ATXN7: variants seen among roughly 807,000 people sequenced by gnomAD.
ATXN7 encodes the protein ataxin 7, also known as ataxin-7.
Under a neutral mutation model 70.5 loss-of-function variants are expected in ATXN7, and 12 were observed. That is an observed-to-expected ratio of 0.17 (90% CI 0.11 to 0.28). ATXN7 has a LOEUF of 0.28. Ranked by LOEUF, ATXN7 falls within the 10% of genes least tolerant of loss-of-function variation. The pLI, the probability that ATXN7 is intolerant of heterozygous loss-of-function variation, is 1.00. For missense variants in ATXN7, 1,256 were observed against 1,131.7 expected, an observed-to-expected ratio of 1.11 and a Z score of -1.58; for synonymous variants, 498 against 448.7, an observed-to-expected ratio of 1.11 and a Z score of -1.39.
intron 4 of ATXN7, among the ~76,000 whole-genome samples, chr3:63,949,994 G>A (rs1265109197): frequency 6.6e-6 from 1 of 152,162 alleles, no homozygotes; most frequent in African/African-American, 2.4e-5. Context: ...CTGGCACATA[G>A]TAGTCTCTCA....
chr3:63,920,741 G>A (rs1704481049), intron 4 of ATXN7, among the ~76,000 whole-genome samples: 1 of 152,080 alleles, frequency 6.6e-6, no homozygotes, highest in South Asian at 2.1e-4. Context: ...TTTAAAAAAA[G>A]ATTAAATGAA....
intron 2 of ATXN7, among the ~76,000 whole-genome samples, chr3:63,902,806 C>G (rs1367788467): frequency 6.6e-6 from 1 of 151,960 alleles, no homozygotes; most frequent in Admixed American, 6.6e-5. Context: ...TTGTGACAAT[C>G]TCACAAAAGT....
intron 5 of ATXN7, among the ~76,000 whole-genome samples, chr3:63,978,698 G>A (rs954806638): frequency 1.3e-5 from 2 of 152,188 alleles, no homozygotes; most frequent in African/African-American, 4.8e-5. Context: ...TTGGAGAATA[G>A]AAATTTGAAT....
In ATXN7 at chr3:63,912,742, G is replaced by A; in HGVS notation, c.144G>A (p.Gln48=). ...QQPPPPQPQR[Q]QHPPPPPRRT... ...CGCCGCCTCCGCAGCCCCAGCGGCA[G>A]CAGCACCCGCCACCGCCGCCACGGC... Residue 48 remains glutamine, a synonymous_variant, in exon 3 of 13, where the codon CAG becomes CAA. Coordinates refer to ENST00000674280, the MANE Select transcript of ATXN7 (RefSeq NM_001377405.1). The A allele has an allele frequency of 2.3e-6, 3 of 1,290,372 alleles. No homozygotes were observed. The highest frequency in any genetic ancestry group is 3.0e-6 in the Non-Finnish European group (3 of 1,015,920). 79.9% of individuals were successfully genotyped at this position (1,290,372 alleles called of 1,614,324 possible). A position where few individuals can be genotyped will look rare whatever the true frequency, so the allele number is the denominator to read the frequency against.
At chr3:63,976,462 TGATA>T (rs2075389939) in intron 5 of ATXN7, among the ~76,000 whole-genome samples, 2 of 152,320 alleles carry the variant, frequency 1.3e-5, no homozygotes, top group South Asian at 4.1e-4. Context: ...AAAATTCACA[TGATA>T]GATTGTCATT....
intron 1 of ATXN7, among the ~76,000 whole-genome samples, chr3:63,880,142 A>G (rs576821217): frequency 1.5e-4 from 23 of 152,242 alleles, no homozygotes; most frequent in African/African-American, 5.3e-4. Flanking sequence ...GTTTTAGTCC[A>G]TAACTTTATT....
chr3:63,991,280 T>C (rs2075667497), intron 11 of ATXN7, among the ~76,000 whole-genome samples: 1 of 137,682 alleles, frequency 7.3e-6, no homozygotes, highest in Non-Finnish European at 1.6e-5. Flanking sequence ...ACCATGATTA[T>C]ACCCTCCCCC....
At chr3:63,896,182 C>G (rs890601633) in intron 1 of ATXN7, among the ~76,000 whole-genome samples, 3 of 149,874 alleles carry the variant, frequency 2.0e-5, no homozygotes, top group Non-Finnish European at 4.5e-5. Context: ...AAGATATCTT[C>G]TATAATCTCC....
intron 1 of ATXN7, among the ~76,000 whole-genome samples, chr3:63,868,597 C>T (rs1702504414): frequency 6.6e-6 from 1 of 151,850 alleles, no homozygotes; most frequent in Admixed American, 6.6e-5. Flanking sequence ...TGAGTGGTCC[C>T]CAAATATAGA....
At chr3:63,879,213 C>T (rs1702835759) in intron 1 of ATXN7, among the ~76,000 whole-genome samples, 1 of 152,086 alleles carries the variant, frequency 6.6e-6, no homozygotes, top group African/African-American at 2.4e-5. Context: ...AAGAGTTACC[C>T]TACTCTTATC....
chr3:63,952,101 C>G (rs919363431), intron 4 of ATXN7, among the ~76,000 whole-genome samples: 1 of 152,300 alleles, frequency 6.6e-6, no homozygotes, highest in East Asian at 1.9e-4. Context: ...TGGTAGAGTT[C>G]ATCTAATGTT....
chr3:63,930,421 C>T (rs1399873475), intron 4 of ATXN7, among the ~76,000 whole-genome samples: 3 of 152,164 alleles, frequency 2.0e-5, no homozygotes, highest in Non-Finnish European at 4.4e-5. Flanking sequence ...CACAGCTTTC[C>T]CTGGAAGGCC....
At chr3:63,984,103 T>C (rs530365532) in intron 8 of ATXN7, among the ~76,000 whole-genome samples, 72 of 152,212 alleles carry the variant, frequency 4.7e-4, no homozygotes, top group African/African-American at 1.6e-3. Flanking sequence ...GGTTCTTACT[T>C]TAAGCTTCTA....
intron 4 of ATXN7, among the ~76,000 whole-genome samples, chr3:63,947,842 A>T (rs926163566): frequency 3.3e-5 from 5 of 152,038 alleles, no homozygotes; most frequent in African/African-American, 1.2e-4. Context: ...GCTGGGGAAA[A>T]GGTTTCTGGG....
At chr3:63,966,411 T>C (rs1559649295) in intron 5 of ATXN7, among the ~76,000 whole-genome samples, 1 of 152,332 alleles carries the variant, frequency 6.6e-6, no homozygotes, top group South Asian at 2.1e-4. Flanking sequence ...TGAATTAACT[T>C]AAAATTCTTA....
chr3:63,874,761 C>T (rs1401214778), intron 1 of ATXN7, among the ~76,000 whole-genome samples: 1 of 152,154 alleles, frequency 6.6e-6, no homozygotes, highest in Non-Finnish European at 1.5e-5. Flanking sequence ...AATGTTTGGC[C>T]TCATTTGAGT....
intron 2 of ATXN7, chr3:63,903,569 A>G (rs1703729186): frequency 6.6e-6 from 1 of 152,196 alleles, no homozygotes; most frequent in South Asian, 2.1e-4. Context: ...TCTATTAGAG[A>G]ATGAATTGTT....
intron 2 of ATXN7, chr3:63,905,802 G>A (rs1166425248): frequency 6.6e-6 from 1 of 152,110 alleles, no homozygotes; most frequent in East Asian, 1.9e-4. Flanking sequence ...AGAGGATCAA[G>A]GTCTCCAGGT....
rs2075852749 is a variant in ATXN7, at chr3:64,003,165, C to T, written c.*3698C>T. On this transcript the variant is annotated 3_prime_UTR_variant, in exon 13 of 13. Transcript: ENST00000674280. ...TTTCAGATAATTTAAATGAGCACTA[C>T]ATACTGTCAGTGTGAATGTAGGGCC... 6.9e-6 allele frequency: 1 copy of T among 145,234 alleles called. No homozygotes were observed. Among genetic ancestry groups the T allele is most frequent in the Admixed American group, 6.9e-5 (1 of 14,582 alleles). The allele number at this position is 145,234 out of a possible 1,614,324, so 9.0% of individuals were successfully genotyped here. A position where few individuals can be genotyped will look rare whatever the true frequency, so the allele number is the denominator to read the frequency against.
Sources: gnomAD v4.1 joint callset for allele counts (sites outside exome capture counted in the v4.1 genomes callset) on GRCh38, gnomAD v4.1.1 for gene constraint, MANE v1.5 for transcripts, NCBI Gene and HGNC (gene_info 2026-07-23, HGNC 2026-07-21) for gene names.